TBXAS1: variants seen among roughly 807,000 people sequenced by gnomAD.
TBXAS1 encodes thromboxane A synthase 1, also known as thromboxane-A synthase.
A neutral mutation model predicts 60.7 loss-of-function variants in TBXAS1; 48 were observed. The ratio of observed to expected loss-of-function variants is 0.79; its 90% CI spans 0.63 to 1.01. The LOEUF (loss-of-function observed/expected upper bound fraction) is 1.01, where lower values mean the gene tolerates loss of function less well. TBXAS1 is among the 50% of genes least tolerant of loss of function. TBXAS1 has a pLI of 0.00. For synonymous variants in TBXAS1, 287 were observed against 269.7 expected, an observed-to-expected ratio of 1.06 and a Z score of -0.63; for missense variants, 685 against 686.3, an observed-to-expected ratio of 1.00 and a Z score of 0.02.
intron 5 of TBXAS1, among the ~76,000 whole-genome samples, chr7:139,950,548 T>C (rs1477684788): frequency 6.6e-6 from 1 of 152,140 alleles, no homozygotes; most frequent in Non-Finnish European, 1.5e-5. Context: ...TTCTGCTCCT[T>C]GAGCTGTTGT....
At chr7:139,885,917 A>G (rs77077422) in intron 3 of TBXAS1, among the ~76,000 whole-genome samples, 2 of 152,214 alleles carry the variant, frequency 1.3e-5, no homozygotes, top group Non-Finnish European at 2.9e-5. Context: ...CACCGCATAC[A>G]CGTTTGAAAT....
In TBXAS1 at chr7:139,953,385, C is replaced by T; in HGVS notation, c.468C>T (p.Ser156=). Residue 156 remains serine, a synonymous_variant, in exon 6 of 13, where the codon AGC becomes AGT. Transcript: ENST00000448866. The part of the protein sequence containing the change: ...EKLNEMVPLI[S]QACDLLLAHL... The stretch of plus-strand genomic sequence containing the variant: ...ATTATCAGATGGTTCCCCTCATCAG[C>T]CAAGCCTGCGACCTTCTCCTGGCTC... 1 of 1,614,148 alleles carries T rather than the reference C, an allele frequency of 6.2e-7. No individual in the cohort carries two copies. The highest frequency in any genetic ancestry group is 8.5e-7 in the Non-Finnish European group (1 of 1,179,974).
chr7:139,782,980 A>T lies in TBXAS1; in HGVS notation c.-169+251A>T, dbSNP rs539396989. 4.6e-5 allele frequency among the ~76,000 whole-genome samples: 7 copies of T among 152,258 alleles called. No individual in the cohort carries two copies. The South Asian group carries it at 1.4e-3, about 32-fold the overall frequency. Reference sequence around the variant, plus strand: ...AAATTACCTTGTCTTTCTGCTTTAAACCTTTGATCGGTTTCAATGATACAG... The same window carrying T: ...AAATTACCTTGTCTTTCTGCTTTAATCCTTTGATCGGTTTCAATGATACAG... On this transcript the variant is annotated intron_variant, in intron 3 of 16. Coordinates refer to the TBXAS1 transcript ENST00000336425.
chr7:139,827,744 T>C (rs1798481339), upstream of TBXAS1, among the ~76,000 whole-genome samples: 1 of 152,230 alleles, frequency 6.6e-6, no homozygotes, highest in South Asian at 2.1e-4. Flanking sequence ...ATATGGTGCT[T>C]AGTTTCACTG....
At chr7:139,872,017 C>G (rs1170260100) in intron 1 of TBXAS1, among the ~76,000 whole-genome samples, 1 of 152,186 alleles carries the variant, frequency 6.6e-6, no homozygotes, top group Non-Finnish European at 1.5e-5. Context: ...TTTCAGGATT[C>G]GTTGATCTCC....
intron 2 of TBXAS1, chr7:139,782,401 C>T (rs1797031453): frequency 6.6e-6 from 1 of 151,772 alleles, no homozygotes; most frequent in Non-Finnish European, 1.5e-5. Flanking sequence ...GTAGAGTGAA[C>T]ATGGGGGAGC....
chr7:139,874,786 A>C (rs1331224181), intron 2 of TBXAS1, among the ~76,000 whole-genome samples: 3 of 152,046 alleles, frequency 2.0e-5, no homozygotes, highest in African/African-American at 7.2e-5. Context: ...ACCCAGCTAC[A>C]CTTCTTTCCC....
rs143311278 is a variant in TBXAS1 at position 140,013,916 on chromosome 7, G to A, written c.1227-1807G>A. ...TGGCTTCTGATCTGCTGCCGTCCCC[G>A]ATTCATGGCCTCACTTCACCCACTG... On this transcript the variant is annotated intron_variant, in intron 10 of 12. Coordinates refer to ENST00000448866, the MANE Select transcript of TBXAS1 (RefSeq NM_001061.7). The surrounding 1 kb of genome is among the most constrained non-coding windows in gnomAD (Gnocchi z 4.2). Among the ~76,000 whole-genome samples the A allele has an allele frequency of 3.7e-4, 56 of 152,272 alleles. 1 individual carries two copies. In the South Asian group the frequency reaches 0.01, roughly 28 times the overall value.
chr7:139,804,303 A>G (rs1797789469), intron 4 of TBXAS1, among the ~76,000 whole-genome samples: 1 of 152,144 alleles, frequency 6.6e-6, no homozygotes, highest in South Asian at 2.1e-4. Flanking sequence ...CCTTTGTTTT[A>G]TGGCCAATTT....
intron 1 of TBXAS1, among the ~76,000 whole-genome samples, chr7:139,868,935 G>A (rs1010788376): frequency 1.3e-5 from 2 of 151,650 alleles, no homozygotes; most frequent in African/African-American, 4.9e-5. Flanking sequence ...TTACAGGCAC[G>A]AGCCACCACG....
At chr7:139,864,210 A>C (rs1160424713) in intron 1 of TBXAS1, among the ~76,000 whole-genome samples, 2 of 152,096 alleles carry the variant, frequency 1.3e-5, no homozygotes, top group Non-Finnish European at 2.9e-5. Flanking sequence ...AACTAATTAG[A>C]AAGTCCAGAA....
At chr7:139,897,040 A>C (rs991118187) in intron 3 of TBXAS1, among the ~76,000 whole-genome samples, 2 of 152,144 alleles carry the variant, frequency 1.3e-5, no homozygotes, top group African/African-American at 4.8e-5. Flanking sequence ...TAGACGTTGG[A>C]GCTGGAATAC....
In TBXAS1 at chr7:139,852,864, G is replaced by T. The variant is rs1294082418; in HGVS notation, c.90-19371G>T. Among the ~76,000 whole-genome samples, 1 of 150,900 alleles carries T rather than the reference G, an allele frequency of 6.6e-6. No homozygotes were observed. The highest frequency in any genetic ancestry group is 1.5e-5 in the Non-Finnish European group (1 of 67,830). ...AATGCCTACTCGGCTGGGTACAAAA[G>T]AACCTAGAATTATTCTGAGCACCCA... On this transcript the variant is annotated intron_variant, in intron 1 of 12. Coordinates refer to ENST00000448866, the MANE Select transcript of TBXAS1 (RefSeq NM_001061.7). The surrounding 1 kb of genome is among the most constrained non-coding windows in gnomAD (Gnocchi z 4.4).
In TBXAS1 at chr7:140,020,232, T is replaced by C. The variant is rs772191000; in HGVS notation, c.*133T>C. 1.6e-5 allele frequency: 14 copies of C among 869,140 alleles called. No homozygotes were observed. The highest frequency in any genetic ancestry group is 2.5e-5 in the Non-Finnish European group (13 of 528,430). 53.8% of individuals were successfully genotyped at this position (869,140 alleles called of 1,614,324 possible). On this transcript the variant is annotated 3_prime_UTR_variant, in exon 13 of 13. Transcript: ENST00000448866. ...CCTGGCATGCAAGGATAAGAGGTTC[T>C]TTACATAACATTTCCTAAATGCTTA... is the stretch of plus-strand genomic sequence containing the variant.
Position 139,962,124 on chromosome 7 carries a change from G to C in TBXAS1, c.1025G>C (p.Gly342Ala). The C allele has an allele frequency of 6.2e-7, 1 of 1,614,170 alleles. No homozygotes were observed. Residue 342 changes from glycine to alanine, a missense_variant, in exon 9 of 13, where the codon GGC becomes GCC. By Grantham distance (60) the Gly-to-Ala change is moderately conservative. Coordinates refer to ENST00000448866, the MANE Select transcript of TBXAS1 (RefSeq NM_001061.7). ...CAGGCCTTCATCTTCCTCATCGCTG[G>C]CTATGAAATCATCACCAACACACTT... The part of the protein sequence containing the change: ...VGQAFIFLIA[G>A]YEIITNTLSF...
Position 139,939,370 on chromosome 7 carries a change from C to CAAAAA in TBXAS1, c.450+3083_450+3087dup, listed in dbSNP as rs61551753. Among the ~76,000 whole-genome samples, 153 of 48,836 alleles carry CAAAAA rather than the reference C, an allele frequency of 3.1e-3. 2 individuals carry two copies. The highest frequency in any genetic ancestry group is 0.033 in the Middle Eastern group (1 of 30). 32.0% of individuals were successfully genotyped at this position (48,836 alleles called of 152,430 possible). A position where few individuals can be genotyped will look rare whatever the true frequency, so the allele number is the denominator to read the frequency against. ...CAGAGTAAGACTCCAGACTCCATCT[C>CAAAAA]AAAAAAAAAAAAAAAAAAAAAAAAG... On this transcript the variant is annotated intron_variant, in intron 5 of 12. Transcript: ENST00000448866.
At chr7:139,854,620 TAAGAATGAAGAACTCACTC>T in intron 1 of TBXAS1, among the ~76,000 whole-genome samples, 1 of 152,028 alleles carries the variant, frequency 6.6e-6, no homozygotes, top group East Asian at 1.9e-4. Flanking sequence ...CAGTTAGGAG[TAAGAATGAAGAACTCACTC>T]AAGACATGTG....
At chr7:139,895,478 A>G (rs921704097) in intron 3 of TBXAS1, among the ~76,000 whole-genome samples, 13 of 152,300 alleles carry the variant, frequency 8.5e-5, no homozygotes, top group African/African-American at 3.1e-4. Flanking sequence ...GTAGGACAAA[A>G]TGCCACCTCT....
chr7:139,932,918 A>G (rs1229044402), intron 4 of TBXAS1, among the ~76,000 whole-genome samples: 1 of 152,108 alleles, frequency 6.6e-6, no homozygotes, highest in South Asian at 2.1e-4. Context: ...ATTAGCTGAC[A>G]TGGTGGCATG....
Sources: allele counts gnomAD v4.1 joint callset (sites outside exome capture counted in the v4.1 genomes callset), GRCh38; gene constraint gnomAD v4.1.1; non-coding constraint Gnocchi (gnomAD v3.1); transcripts MANE v1.5; gene names NCBI Gene and HGNC (gene_info 2026-07-23, HGNC 2026-07-21).